The following IL1RAPL2 variants were observed in gnomAD, a reference collection of about 807,000 sequenced individuals.
IL1RAPL2 encodes the protein X-linked interleukin-1 receptor accessory protein-like 2.
In IL1RAPL2, 3 loss-of-function variants were observed where a neutral mutation model predicts 44.1. The observed-to-expected ratio is 0.07, with a 90% CI of 0.03 to 0.18. The LOEUF (loss-of-function observed/expected upper bound fraction) is 0.18, where lower values mean the gene tolerates loss of function less well. Ranked by LOEUF, IL1RAPL2 falls within the 10% of genes least tolerant of loss-of-function variation. The pLI, the probability that IL1RAPL2 is intolerant of heterozygous loss-of-function variation, is 1.00. For missense variants in IL1RAPL2, 391 were observed against 496.4 expected (o/e 0.79, Z 2.02); for synonymous variants, 181 against 178.8 (o/e 1.01, Z -0.10).
chrX:104,748,139 T>C (rs1024860546), intron 2 of IL1RAPL2, among the ~76,000 whole-genome samples: 1 of 111,630 alleles, frequency 9.0e-6, no homozygotes, highest in Non-Finnish European at 1.9e-5. Flanking sequence ...AGGTGTTTCA[T>C]TACATGGAAA....
At chrX:105,429,015 A>G (rs1435774641) in intron 5 of IL1RAPL2, among the ~76,000 whole-genome samples, 3 of 111,548 alleles carry the variant, frequency 2.7e-5, no homozygotes, top group Non-Finnish European at 5.7e-5. Flanking sequence ...AAATATCTTG[A>G]TCTGAAGCAA....
At chrX:104,647,716 G>A (rs768559597) in intron 1 of IL1RAPL2, 1 of 547,179 alleles carries the variant, frequency 1.8e-6, no homozygotes, top group Admixed American at 2.3e-5. Flanking sequence ...CAGGCCAGGA[G>A]AGGATGTGCA....
intron 2 of IL1RAPL2, among the ~76,000 whole-genome samples, chrX:104,970,872 G>A (rs1176575505): frequency 8.9e-6 from 1 of 111,897 alleles, no homozygotes; most frequent in Non-Finnish European, 1.9e-5. Context: ...AAAATCTCTG[G>A]ATCTTATCTA....
At chrX:105,248,595 C>T (rs923543328) in intron 4 of IL1RAPL2, among the ~76,000 whole-genome samples, 4 of 110,895 alleles carry the variant, frequency 3.6e-5, no homozygotes, top group African/African-American at 9.8e-5. Context: ...AACCATCAAT[C>T]GGACAAGGGA....
intron 1 of IL1RAPL2, among the ~76,000 whole-genome samples, chrX:104,597,765 A>T (rs1281564025): frequency 9.0e-6 from 1 of 111,252 alleles, no homozygotes; most frequent in Admixed American, 9.6e-5. Context: ...GACTTCAGGC[A>T]AATGGAAGCA....
intron 2 of IL1RAPL2, among the ~76,000 whole-genome samples, chrX:105,025,455 C>T (rs891129719): frequency 5.4e-5 from 6 of 111,018 alleles, no homozygotes; most frequent in South Asian, 3.7e-4. Context: ...TCTGGCCTGC[C>T]GCTAAATGTC....
intron 2 of IL1RAPL2, among the ~76,000 whole-genome samples, chrX:104,945,180 A>G (rs1925311164): frequency 9.0e-6 from 1 of 111,099 alleles, no homozygotes; most frequent in Non-Finnish European, 1.9e-5. Context: ...ACATAAGGTA[A>G]TTGAGGTTAC....
chrX:104,733,619 A>AAATAATAATAATAATAAT (rs3081204), intron 2 of IL1RAPL2, among the ~76,000 whole-genome samples: 181 of 98,845 alleles, frequency 1.8e-3, no homozygotes, highest in South Asian at 1.8e-3. Flanking sequence ...CTCTGTCTCA[A>AAATAATAATAATAATAAT]AATAATAATA....
intron 2 of IL1RAPL2, among the ~76,000 whole-genome samples, chrX:105,080,035 T>G (rs918538246): frequency 1.6e-4 from 18 of 112,236 alleles, no homozygotes; most frequent in African/African-American, 4.2e-4. Context: ...CACCTGATCT[T>G]TGATGGCGTT....
At chrX:104,817,768 A>T (rs2147621824) in intron 2 of IL1RAPL2, among the ~76,000 whole-genome samples, 1 of 112,117 alleles carries the variant, frequency 8.9e-6, no homozygotes, top group South Asian at 3.8e-4. Context: ...AATACAGATA[A>T]AATAATAAGC....
chrX:104,617,516 T>C (rs1929303716), intron 1 of IL1RAPL2, among the ~76,000 whole-genome samples: 2 of 112,245 alleles, frequency 1.8e-5, no homozygotes, highest in African/African-American at 6.5e-5. Flanking sequence ...GTAAGTTACA[T>C]CACTTTAGAT....
intron 3 of IL1RAPL2, chrX:105,219,518 G>A (rs1476768091): frequency 8.3e-7 from 1 of 1,207,072 alleles, no homozygotes. Context: ...TCCACGTGGG[G>A]GAACTGGGTC....
chrX:104,609,841 C>A (rs1416385948), intron 1 of IL1RAPL2, among the ~76,000 whole-genome samples: 1 of 111,825 alleles, frequency 8.9e-6, no homozygotes, highest in African/African-American at 3.3e-5. Flanking sequence ...CCTTCTGAAG[C>A]CTACTTCTGT....
chrX:104,761,087 G>T (rs1230675177), intron 2 of IL1RAPL2, among the ~76,000 whole-genome samples: 1 of 111,226 alleles, frequency 9.0e-6, no homozygotes, highest in Non-Finnish European at 1.9e-5. Context: ...TGAGTTTGCT[G>T]TAGGTGTGTG....
intron 2 of IL1RAPL2, among the ~76,000 whole-genome samples, chrX:104,958,477 G>A (rs780601672): frequency 9.0e-4 from 94 of 104,632 alleles, no homozygotes; most frequent in Non-Finnish European, 1.7e-3. Flanking sequence ...TGTATATCAC[G>A]TGTGAATTAT....
At chrX:104,883,677 G>A (rs771269365) in intron 2 of IL1RAPL2, among the ~76,000 whole-genome samples, 1 of 110,991 alleles carries the variant, frequency 9.0e-6, no homozygotes, top group Non-Finnish European at 1.9e-5. Context: ...CTATAAGAAT[G>A]ATTTCTAGTG....
intron 1 of IL1RAPL2, among the ~76,000 whole-genome samples, chrX:104,639,319 A>G (rs768234118): frequency 9.0e-6 from 1 of 110,706 alleles, no homozygotes; most frequent in Non-Finnish European, 1.9e-5. Context: ...GTGCATCTTT[A>G]CTGGTAAGGT....
At chrX:105,478,378 A>G (rs959676730) in intron 5 of IL1RAPL2, among the ~76,000 whole-genome samples, 1 of 110,887 alleles carries the variant, frequency 9.0e-6, no homozygotes, top group South Asian at 3.8e-4. Flanking sequence ...GCTGAGGTTG[A>G]AAAAAACTGC....
intron 4 of IL1RAPL2, among the ~76,000 whole-genome samples, chrX:105,235,965 C>T (rs1362802360): frequency 8.9e-6 from 1 of 112,461 alleles, no homozygotes; most frequent in Non-Finnish European, 1.9e-5. Context: ...TCACTACCCT[C>T]TCCGGCAATG....
Sources: gnomAD v4.1 joint callset for allele counts (sites outside exome capture counted in the v4.1 genomes callset) on GRCh38, gnomAD v4.1.1 for gene constraint, MANE v1.5 for transcripts, NCBI Gene and HGNC (gene_info 2026-07-23, HGNC 2026-07-21) for gene names.